Variants in STXBP6 observed in about 807,000 individuals in gnomAD.
STXBP6 encodes the protein syntaxin binding protein 6, also known as syntaxin-binding protein 6.
STXBP6 carries 21 observed loss-of-function variants against 26.9 expected under a neutral mutation model. That is an observed-to-expected ratio of 0.78 (90% CI 0.55 to 1.12). The LOEUF is 1.12. Among genes scored for constraint, STXBP6 ranks in the 50% most tolerant of loss-of-function variants. STXBP6 has a pLI of 0.00. For synonymous variants in STXBP6, 97 were observed against 92.6 expected, an observed-to-expected ratio of 1.05 and a Z score of -0.27; for missense variants, 232 against 257.9, an observed-to-expected ratio of 0.90 and a Z score of 0.69.
intron 1 of STXBP6, among the ~76,000 whole-genome samples, chr14:25,024,098 A>G (rs916995924): frequency 1.3e-5 from 2 of 151,986 alleles, no homozygotes; most frequent in African/African-American, 4.8e-5. Flanking sequence ...TCACAAGGTC[A>G]GGAGATCGAG....
intron 2 of STXBP6, among the ~76,000 whole-genome samples, chr14:24,860,642 C>G (rs1467783138): frequency 2.0e-5 from 3 of 152,086 alleles, no homozygotes; most frequent in Non-Finnish European, 2.9e-5. Flanking sequence ...TCAGTATATA[C>G]CACCTGTACA....
chr14:25,024,913 G>A (rs1432839691), intron 1 of STXBP6, among the ~76,000 whole-genome samples: 2 of 152,070 alleles, frequency 1.3e-5, no homozygotes, highest in African/African-American at 4.8e-5. Context: ...AATAAATGAT[G>A]TCCATTTAAT....
At chr14:24,867,851 A>G (rs2069779155) in intron 2 of STXBP6, among the ~76,000 whole-genome samples, 1 of 152,204 alleles carries the variant, frequency 6.6e-6, no homozygotes, top group South Asian at 2.1e-4. Flanking sequence ...TCTTTAAGAT[A>G]ATGAAAAGAT....
intron 4 of STXBP6, among the ~76,000 whole-genome samples, chr14:24,822,358 A>G (rs1052670404): frequency 6.6e-6 from 1 of 152,152 alleles, no homozygotes; most frequent in Non-Finnish European, 1.5e-5. Flanking sequence ...TCACATATAC[A>G]CACAATCTTT....
intron 2 of STXBP6, among the ~76,000 whole-genome samples, chr14:24,962,137 T>C (rs949824744): frequency 2.6e-5 from 4 of 152,120 alleles, no homozygotes; most frequent in Non-Finnish European, 5.9e-5. Context: ...AGTACCCTTA[T>C]ATACACCTGC....
intron 1 of STXBP6, 45 bp from the exon 2 acceptor site, chr14:24,974,895 G>A: frequency 7.5e-7 from 1 of 1,333,274 alleles, no homozygotes. Flanking sequence ...TGACAACATT[G>A]TAAGGGTTCA....
At chr14:24,886,888 T>C (rs2070608579) in intron 2 of STXBP6, among the ~76,000 whole-genome samples, 1 of 152,220 alleles carries the variant, frequency 6.6e-6, no homozygotes, top group East Asian at 1.9e-4. Flanking sequence ...TATCTTGCTG[T>C]TTCTTTCTTG....
intron 2 of STXBP6, among the ~76,000 whole-genome samples, chr14:24,888,636 T>C (rs747789305): frequency 3.9e-5 from 6 of 152,008 alleles, no homozygotes; most frequent in Middle Eastern, 3.4e-3. Flanking sequence ...GGCAAGAGAA[T>C]TGCTTGAATC....
intron 2 of STXBP6, among the ~76,000 whole-genome samples, chr14:24,966,602 T>G (rs1440926135): frequency 6.6e-6 from 1 of 152,228 alleles, no homozygotes; most frequent in Non-Finnish European, 1.5e-5. Flanking sequence ...TTATCTATTT[T>G]TGAACTTTCC....
intron 2 of STXBP6, among the ~76,000 whole-genome samples, chr14:24,938,842 C>T (rs916982144): frequency 6.6e-6 from 1 of 152,174 alleles, no homozygotes; most frequent in Non-Finnish European, 1.5e-5. Flanking sequence ...ACTCACTTTG[C>T]TGGTTTAAGG....
intron 2 of STXBP6, among the ~76,000 whole-genome samples, chr14:24,890,941 T>G (rs185348642): frequency 1.3e-5 from 2 of 152,224 alleles, no homozygotes; most frequent in Admixed American, 1.3e-4. Context: ...AGGGTAGAAT[T>G]ACATTTTCAA....
chr14:24,884,286 A>G (rs2070487368), intron 2 of STXBP6, among the ~76,000 whole-genome samples: 1 of 152,214 alleles, frequency 6.6e-6, no homozygotes, highest in Admixed American at 6.5e-5. Context: ...CTTCAAATAT[A>G]GTTTTAAAGA....
At chr14:24,970,421 C>T (rs1038105786) in intron 2 of STXBP6, among the ~76,000 whole-genome samples, 10 of 152,168 alleles carry the variant, frequency 6.6e-5, no homozygotes, top group African/African-American at 2.4e-4. Flanking sequence ...CTCAGTCAAT[C>T]CTGCCACTAC....
chr14:25,021,210 T>G (rs1288800635), intron 1 of STXBP6, among the ~76,000 whole-genome samples: 1 of 152,178 alleles, frequency 6.6e-6, no homozygotes, highest in Non-Finnish European at 1.5e-5. Context: ...TTCCCTCCTG[T>G]TGCATCTTGT....
Position 24,892,214 on chromosome 14 carries a change from A to T in STXBP6, c.155-35057T>A, listed in dbSNP as rs866456695. 9.6e-4 allele frequency among the ~76,000 whole-genome samples: 145 copies of T among 151,250 alleles called. 1 individual carries two copies. The highest frequency in any genetic ancestry group is 7.6e-3 in the Admixed American group (116 of 15,214). On this transcript the variant is annotated intron_variant, in intron 2 of 5. Transcript: ENST00000323944. ...AATGTATACATTATTTTTTTTTTTT[A>T]AAAAGGAAAGAGGTCAGTAGAGAGA... is the stretch of plus-strand genomic sequence containing the variant.
At chr14:24,992,710 A>G (rs2074504855) in intron 1 of STXBP6, among the ~76,000 whole-genome samples, 1 of 152,216 alleles carries the variant, frequency 6.6e-6, no homozygotes, top group Non-Finnish European at 1.5e-5. Flanking sequence ...ATAAGCACCA[A>G]TCAAGAACAT....
chr14:24,872,679 C>T (rs903803551), intron 2 of STXBP6, among the ~76,000 whole-genome samples: 3 of 152,264 alleles, frequency 2.0e-5, no homozygotes, highest in Admixed American at 1.3e-4. Flanking sequence ...TGCCACGGTC[C>T]ACCCAGTGGT....
intron 1 of STXBP6, among the ~76,000 whole-genome samples, chr14:24,988,227 A>C (rs1049701960): frequency 6.6e-6 from 1 of 152,218 alleles, no homozygotes; most frequent in Non-Finnish European, 1.5e-5. Context: ...TTATTAACAG[A>C]GGTAACAAAG....
rs536517351 is a variant in STXBP6 at position 24,992,499 on chromosome 14, T to C, written c.-32-17649A>G. 1.1e-4 allele frequency among the ~76,000 whole-genome samples: 16 copies of C among 152,226 alleles called. No individual in the cohort carries two copies. The South Asian group carries it at 3.3e-3, about 32-fold the overall frequency. ...ACCATAATCCAGGGGTCAGCAAATATAAAGGACCACTTAGTAAACATTTTA... is the reference window on the plus strand; with the variant it reads ...ACCATAATCCAGGGGTCAGCAAATACAAAGGACCACTTAGTAAACATTTTA... On this transcript the variant is annotated intron_variant, in intron 1 of 5. Coordinates refer to ENST00000323944, the MANE Select transcript of STXBP6 (RefSeq NM_001394410.1).
Sources: gnomAD v4.1 joint callset for allele counts (sites outside exome capture counted in the v4.1 genomes callset) on GRCh38, gnomAD v4.1.1 for gene constraint, MANE v1.5 for transcripts, NCBI Gene and HGNC (gene_info 2026-07-23, HGNC 2026-07-21) for gene names.